RAB38: variants seen among roughly 807,000 people sequenced by gnomAD.
RAB38 encodes the protein ras-related protein Rab-38.
Under a neutral mutation model 18.4 loss-of-function variants are expected in RAB38, and 15 were observed. The ratio of observed to expected loss-of-function variants is 0.82; its 90% CI spans 0.55 to 1.26. The LOEUF is 1.26. Ranked by LOEUF, RAB38 falls within the 50% of genes most tolerant of loss-of-function variation. RAB38 has a pLI of 0.00. For missense variants in RAB38, 294 were observed against 267.4 expected (o/e 1.10, Z -0.69); for synonymous variants, 101 against 104.4 (o/e 0.97, Z 0.20).
intron 1 of RAB38, among the ~76,000 whole-genome samples, chr11:88,165,290 T>C (rs939325145): frequency 3.9e-5 from 6 of 152,112 alleles, no homozygotes; most frequent in Admixed American, 2.6e-4. Context: ...CCTGCTACTA[T>C]TGGTAAGACT....
intron 2 of RAB38, among the ~76,000 whole-genome samples, chr11:88,124,460 G>A (rs1020229879): frequency 3.9e-5 from 6 of 152,084 alleles, no homozygotes; most frequent in Non-Finnish European, 8.8e-5. Flanking sequence ...ATAAGTGGGC[G>A]AAGGATATGA....
At chr11:87,841,054 A>G in the RAB38 span, among the ~76,000 whole-genome samples, 1 of 152,168 alleles carries the variant, frequency 6.6e-6, no homozygotes, top group Non-Finnish European at 1.5e-5. Flanking sequence ...TGAAATAGTA[A>G]CAAAACAGTT....
chr11:88,151,988 G>A (rs983232261), intron 1 of RAB38, among the ~76,000 whole-genome samples: 2 of 152,214 alleles, frequency 1.3e-5, no homozygotes, highest in African/African-American at 4.8e-5. Context: ...GTCAACGAAA[G>A]AAAGGGGCAA....
chr11:88,059,826 C>T, the RAB38 span, among the ~76,000 whole-genome samples: 36 of 149,568 alleles, frequency 2.4e-4, no homozygotes, highest in Non-Finnish European at 1.5e-5. Context: ...TCACTGTCAG[C>T]CTTGGGCCCA....
chr11:88,044,105 A>C, the RAB38 span, among the ~76,000 whole-genome samples: 4 of 152,128 alleles, frequency 2.6e-5, no homozygotes. Context: ...CATTTTATCC[A>C]TGGACTCAAA....
chr11:88,088,488 T>A, the RAB38 span, among the ~76,000 whole-genome samples: 3,167 of 152,030 alleles, frequency 0.021, 97 homozygotes, highest in African/African-American at 0.071. Context: ...GATCTTTTTT[T>A]AAAGATTTTA....
the RAB38 span, among the ~76,000 whole-genome samples, chr11:87,868,608 A>AGAGAGAGAGAGG: frequency 4.3e-4 from 44 of 103,052 alleles, no homozygotes; most frequent in South Asian, 6.7e-4. Flanking sequence ...AGAGAGAGAG[A>AGAGAGAGAGAGG]GAGAGAGAGA....
chr11:88,006,222 A>G, the RAB38 span, among the ~76,000 whole-genome samples: 1 of 151,662 alleles, frequency 6.6e-6, no homozygotes, highest in Admixed American at 6.6e-5. Flanking sequence ...TCAAAACTAC[A>G]ATATCACCTG....
chr11:88,054,001 T>C, the RAB38 span, among the ~76,000 whole-genome samples: 2 of 152,190 alleles, frequency 1.3e-5, no homozygotes, highest in Admixed American at 6.5e-5. Flanking sequence ...TTTTAACTTG[T>C]ATGTGAACTT....
intron 2 of RAB38, among the ~76,000 whole-genome samples, chr11:88,116,630 G>C (rs909094814): frequency 2.6e-5 from 4 of 152,126 alleles, no homozygotes; most frequent in Non-Finnish European, 5.9e-5. Context: ...AGAAAACCAG[G>C]AACAATCACA....
At chr11:88,130,805 T>A (rs1942758510) in intron 2 of RAB38, among the ~76,000 whole-genome samples, 1 of 152,188 alleles carries the variant, frequency 6.6e-6, no homozygotes, top group Non-Finnish European at 1.5e-5. Context: ...ATCAGAAGAT[T>A]GGATGAAGTC....
intron 1 of RAB38, among the ~76,000 whole-genome samples, chr11:88,163,339 C>A (rs995367495): frequency 6.6e-6 from 1 of 151,998 alleles, no homozygotes; most frequent in Non-Finnish European, 1.5e-5. Flanking sequence ...AGAGGGAACC[C>A]CAGCAGGAAA....
chr11:88,136,647 A>G lies in RAB38; in HGVS notation c.483+13028T>C, dbSNP rs142193413. ...GCAACAGCATTCAAAAGATTTGCAC[A>G]CATTTTTAGAAATCTAAAAGTAATA... On this transcript the variant is annotated intron_variant, in intron 2 of 2. Transcript: ENST00000243662. Among the ~76,000 whole-genome samples the G allele has an allele frequency of 2.0e-3, 310 of 152,370 alleles. 3 individuals carry two copies. Among genetic ancestry groups the G allele is most frequent in the African/African-American group, 7.0e-3 (290 of 41,590 alleles).
At chr11:87,858,947 A>G in the RAB38 span, among the ~76,000 whole-genome samples, 6 of 105,806 alleles carry the variant, frequency 5.7e-5, no homozygotes, top group African/African-American at 1.8e-4. Flanking sequence ...AATAAAAAGT[A>G]AAAAAAAAAA....
chr11:87,816,899 T>C, the RAB38 span: 1 of 152,162 alleles, frequency 6.6e-6, no homozygotes, highest in Admixed American at 6.5e-5. Flanking sequence ...CAGATGATTC[T>C]AATACATACA....
At chr11:88,056,697 G>A in the RAB38 span, among the ~76,000 whole-genome samples, 136 of 152,164 alleles carry the variant, frequency 8.9e-4, no homozygotes, top group African/African-American at 3.2e-3. Context: ...CCAGCTACTC[G>A]GAAGGCTGAG....
chr11:87,904,851 A>AT, the RAB38 span, among the ~76,000 whole-genome samples: 1 of 151,484 alleles, frequency 6.6e-6, no homozygotes, highest in South Asian at 2.1e-4. Flanking sequence ...TATTGGTGTG[A>AT]TTTTCTTTGC....
At chr11:87,814,490 A>G in the RAB38 span, among the ~76,000 whole-genome samples, 1 of 152,234 alleles carries the variant, frequency 6.6e-6, no homozygotes, top group Non-Finnish European at 1.5e-5. Context: ...GCAGTAATGC[A>G]TGAAGTACAT....
chr11:87,959,516 T>C, the RAB38 span, among the ~76,000 whole-genome samples: 3 of 152,298 alleles, frequency 2.0e-5, no homozygotes, highest in African/African-American at 7.2e-5. Context: ...AGCATTGTGC[T>C]ATGTGTTTCT....
Sources: gnomAD v4.1 joint callset for allele counts (sites outside exome capture counted in the v4.1 genomes callset) on GRCh38, gnomAD v4.1.1 for gene constraint, MANE v1.5 for transcripts, NCBI Gene and HGNC (gene_info 2026-07-23, HGNC 2026-07-21) for gene names.